The following ADGRV1 variants were observed in gnomAD, a reference collection of about 807,000 sequenced individuals.
The protein encoded by ADGRV1 is adhesion G protein-coupled receptor V1, also known as G-protein coupled receptor 98.
Under a neutral mutation model 596.2 loss-of-function variants are expected in ADGRV1, and 359 were observed. The observed-to-expected ratio is 0.60, with a 90% CI of 0.55 to 0.66. ADGRV1 has a LOEUF of 0.66. Among genes scored for constraint, ADGRV1 ranks in the 30% least tolerant of loss-of-function variants. The probability of loss-of-function intolerance (pLI) is 0.00; values close to 1 mark genes in which losing one functional copy is unlikely to be tolerated. For synonymous variants in ADGRV1, 2,681 were observed against 2,679.2 expected (o/e 1.00, Z -0.02); for missense variants, 7,274 against 7,575.6 (o/e 0.96, Z 1.48).
intron 1 of ADGRV1, among the ~76,000 whole-genome samples, chr5:90,592,853 A>T (rs1759705680): frequency 6.6e-6 from 1 of 152,382 alleles, no homozygotes; most frequent in African/African-American, 2.4e-5. Context: ...AAAAATGCTC[A>T]TCATCACTGG....
At chr5:90,908,264 T>C (rs1457045724) in intron 83 of ADGRV1, among the ~76,000 whole-genome samples, 7 of 152,206 alleles carry the variant, frequency 4.6e-5, no homozygotes, top group Non-Finnish European at 8.8e-5. Context: ...AGTAGGTATA[T>C]ATATTTATGG....
chr5:90,716,602 C>G lies in ADGRV1; in HGVS notation c.9320C>G (p.Pro3107Arg). The change falls in exon 43 of 90, where the codon CCT becomes CGT. Residue 3107 changes from proline (P) to arginine (R), a missense_variant. Coordinates refer to ENST00000405460, the MANE Select transcript of ADGRV1 (RefSeq NM_032119.4). Reference protein sequence around the residue: ...SVAVLYIVREPAQGLFGTVTV... With the variant: ...SVAVLYIVRERAQGLFGTVTV... Reference sequence around the variant, plus strand: ...GCAGTATTGTACATTGTTCGGGAACCTGCACAAGGATTGTTTGGAACAGTG... The same window carrying G: ...GCAGTATTGTACATTGTTCGGGAACGTGCACAAGGATTGTTTGGAACAGTG... The G allele has an allele frequency of 6.2e-7, 1 of 1,613,798 alleles. No individual in the cohort carries two copies. Among genetic ancestry groups the G allele is most frequent in the South Asian group, 1.1e-5 (1 of 91,072 alleles).
chr5:91,091,143 G>A (rs1790348623), intron 86 of ADGRV1, among the ~76,000 whole-genome samples: 2 of 152,136 alleles, frequency 1.3e-5, no homozygotes, highest in South Asian at 2.1e-4. Flanking sequence ...AATGCTTGCA[G>A]CACACTTTTT....
chr5:91,026,119 A>G (rs572050927), intron 85 of ADGRV1, among the ~76,000 whole-genome samples: 1 of 152,330 alleles, frequency 6.6e-6, no homozygotes, highest in Admixed American at 6.5e-5. Context: ...AGCCAGCAAT[A>G]CACAGCTTAG....
Position 90,619,093 on chromosome 5 carries a change from C to T in ADGRV1, c.365C>T (p.Ser122Leu). ...FIFHLTLQKP[S>L]ANVKLGWPRT... ...TTTGGGATTTTATTTTAGAAACCTT[C>T]AGCAAATGTGAAGCTTGGATGGCCA... is the stretch of plus-strand genomic sequence containing the variant. The change falls in exon 4 of 90, where the codon TCA becomes TTA. Residue 122 changes from serine (S) to leucine (L), a missense_variant. Coordinates refer to ENST00000405460, the MANE Select transcript of ADGRV1 (RefSeq NM_032119.4). The T allele has an allele frequency of 2.8e-6, 4 of 1,434,916 alleles. No homozygotes were observed. The highest frequency in any genetic ancestry group is 2.5e-5 in the East Asian group (1 of 39,610). The allele number at this position is 1,434,916 out of a possible 1,614,324, so 88.9% of individuals were successfully genotyped here. A position where few individuals can be genotyped will look rare whatever the true frequency, so the allele number is the denominator to read the frequency against.
intron 55 of ADGRV1, among the ~76,000 whole-genome samples, chr5:90,755,562 G>A (rs939578047): frequency 6.6e-6 from 1 of 151,700 alleles, no homozygotes; most frequent in African/African-American, 2.4e-5. Context: ...CATTTAATAG[G>A]ACAGTATTTT....
chr5:90,916,329 AT>A (rs1361828783), intron 83 of ADGRV1, among the ~76,000 whole-genome samples: 1 of 152,164 alleles, frequency 6.6e-6, no homozygotes, highest in African/African-American at 2.4e-5. Flanking sequence ...ATATGAAGAT[AT>A]TTTTTAATTG....
rs56200811 is a variant in ADGRV1 at position 91,014,175 on chromosome 5, C to CACACACACACACACACACACACA, written c.18152+28653_18152+28654insACACACACACACACACACACACA. On this transcript the variant is annotated intron_variant, in intron 85 of 89. Coordinates refer to ENST00000405460, the MANE Select transcript of ADGRV1 (RefSeq NM_032119.4). Reference sequence around the variant, plus strand: ...ACACACACACACACACACACACACACCCCTAGACATACAGCTAACCAGGGA... The same window carrying CACACACACACACACACACACACA: ...ACACACACACACACACACACACACACACACACACACACACACACACACACCCTAGACATACAGCTAACCAGGGA... Among the ~76,000 whole-genome samples the CACACACACACACACACACACACA allele has an allele frequency of 1.5e-3, 217 of 143,478 alleles. 1 individual carries two copies. Among genetic ancestry groups the CACACACACACACACACACACACA allele is most frequent in the South Asian group, 3.5e-3 (16 of 4,510 alleles). The allele number at this position is 143,478 out of a possible 152,430, so 94.1% of individuals were successfully genotyped here. A position where few individuals can be genotyped will look rare whatever the true frequency, so the allele number is the denominator to read the frequency against.
intron 83 of ADGRV1, among the ~76,000 whole-genome samples, chr5:90,918,529 A>G (rs1408950369): frequency 6.6e-6 from 1 of 152,214 alleles, no homozygotes; most frequent in African/African-American, 2.4e-5. Flanking sequence ...GAATGTACAT[A>G]TATCTGAGCT....
chr5:90,666,147 G>A (rs1406131250), intron 21 of ADGRV1, among the ~76,000 whole-genome samples: 121 of 150,830 alleles, frequency 8.0e-4, no homozygotes, highest in African/African-American at 2.9e-3. Flanking sequence ...GTGCAGAGCT[G>A]AGTTCAATTC....
intron 76 of ADGRV1, among the ~76,000 whole-genome samples, chr5:90,826,650 C>A (rs1336360870): frequency 6.6e-6 from 1 of 151,722 alleles, no homozygotes; most frequent in Admixed American, 6.6e-5. Flanking sequence ...GGAGATGGAG[C>A]CCGAGGGAAT....
rs781505820 is a variant in ADGRV1 at position 90,788,118 on chromosome 5, A to C, written c.13701A>C (p.Pro4567=). Residue 4567 remains proline (P), a synonymous_variant, in exon 68 of 90, where the codon CCA becomes CCC. Coordinates refer to ENST00000405460, the MANE Select transcript of ADGRV1 (RefSeq NM_032119.4). ...VGPNSQEALL[P]QNRDIADPVS... is the part of the protein sequence containing the mutation. ...CCAACTCTCAAGAAGCCTTACTGCCACAGAATAGAGACATTGCAGACCCAG... is the reference window on the plus strand; with the variant it reads ...CCAACTCTCAAGAAGCCTTACTGCCCCAGAATAGAGACATTGCAGACCCAG... 1 of 1,613,340 alleles carries C rather than the reference A, an allele frequency of 6.2e-7. No homozygotes were observed. Among genetic ancestry groups the C allele is most frequent in the Non-Finnish European group, 8.5e-7 (1 of 1,179,470 alleles).
At chr5:90,790,697 C>A (rs751680284) in intron 69 of ADGRV1, among the ~76,000 whole-genome samples, 176 bp from the exon 70 acceptor site, 1 of 152,076 alleles carries the variant, frequency 6.6e-6, no homozygotes, top group Non-Finnish European at 1.5e-5. Context: ...TAGCATTCAA[C>A]AGCCTGAGTC....
intron 83 of ADGRV1, 47 bp from the exon 84 acceptor site, chr5:90,965,368 C>A: frequency 1.7e-6 from 2 of 1,158,886 alleles, no homozygotes; most frequent in Non-Finnish European, 2.6e-6. Flanking sequence ...TAATATTCTT[C>A]ATCGATTTTA....
At chr5:91,136,132 A>G (rs1794617940) in intron 87 of ADGRV1, among the ~76,000 whole-genome samples, 1 of 152,178 alleles carries the variant, frequency 6.6e-6, no homozygotes. Flanking sequence ...GTGGTGGCAG[A>G]TGAAGCCCAA....
At chr5:91,038,110 T>G (rs1264345487) in intron 85 of ADGRV1, among the ~76,000 whole-genome samples, 1 of 152,196 alleles carries the variant, frequency 6.6e-6, no homozygotes, top group Admixed American at 6.5e-5. Flanking sequence ...GTCCCAAGCA[T>G]TTCAGATACT....
Position 90,783,962 on chromosome 5 carries a change from CTCAA to C in ADGRV1, c.13563_13566del (p.Asn4521LysfsTer13). The C allele has an allele frequency of 6.2e-7, 1 of 1,612,396 alleles. No individual in the cohort carries two copies. The highest frequency in any genetic ancestry group is 8.5e-7 in the Non-Finnish European group (1 of 1,179,264). ...CTCTCCCTTTGGAGTTATAAGGTTT[CTCAA>C]TCAAAGCAAAATTTCTATTGCTAAT... On this transcript the variant is annotated frameshift_variant, in exon 67 of 90. Coordinates refer to ENST00000405460, the MANE Select transcript of ADGRV1 (RefSeq NM_032119.4). LOFTEE classifies it high-confidence loss of function.
Position 90,720,060 on chromosome 5 carries a change from T to C in ADGRV1, c.9460T>C (p.Ser3154Pro), listed in dbSNP as rs772219047. The change falls in exon 44 of 90, where the codon TCT becomes CCT. Residue 3154 changes from serine to proline, a missense_variant. Ser to Pro is a moderately conservative substitution (Grantham distance 74). Around this residue, in one of 5 missense-constraint regions of ADGRV1, gnomAD observed 3,643 missense variants for 3,809.2 expected, o/e 0.96. Transcript: ENST00000405460. The stretch of plus-strand genomic sequence containing the variant: ...ATTTTGTTTTCAGGCCCTACAAATA[T>C]CTGCCATATTAGACACGGAACCAGA... Reference protein sequence around the residue: ...EGVRFKALQISAILDTEPEMD... With the variant: ...EGVRFKALQIPAILDTEPEMD... 42 of 1,613,380 alleles carry C rather than the reference T, an allele frequency of 2.6e-5. No homozygotes were observed. The highest frequency in any genetic ancestry group is 3.4e-5 in the Non-Finnish European group (40 of 1,179,518).
intron 87 of ADGRV1, among the ~76,000 whole-genome samples, chr5:91,147,176 TAAA>T (rs57619661): frequency 1.3e-3 from 129 of 100,788 alleles, no homozygotes; most frequent in African/African-American, 2.7e-3. Flanking sequence ...GACCTTGTCT[TAAA>T]AAAAAAAAAA....
Sources: allele counts gnomAD v4.1 joint callset (sites outside exome capture counted in the v4.1 genomes callset), GRCh38; gene constraint gnomAD v4.1.1; regional missense constraint gnomAD v4.1.1; transcripts MANE v1.5; gene names NCBI Gene and HGNC (gene_info 2026-07-23, HGNC 2026-07-21).